The following NPAS3 variants were observed in gnomAD, a reference collection of about 807,000 sequenced individuals.
NPAS3 encodes the protein neuronal PAS domain-containing protein 3.
A neutral mutation model predicts 73.1 loss-of-function variants in NPAS3; 14 were observed. The observed-to-expected ratio is 0.19, with a 90% CI of 0.13 to 0.30. The LOEUF (loss-of-function observed/expected upper bound fraction) is 0.30. Among genes scored for constraint, NPAS3 ranks in the 10% least tolerant of loss-of-function variants. NPAS3 has a pLI of 1.00. For synonymous variants in NPAS3, 620 were observed against 541.5 expected, an observed-to-expected ratio of 1.14 and a Z score of -2.01; for missense variants, 1,096 against 1,250.0, an observed-to-expected ratio of 0.88 and a Z score of 1.86.
chr14:33,667,205 G>A (rs2059477163), intron 5 of NPAS3, among the ~76,000 whole-genome samples: 1 of 152,116 alleles, frequency 6.6e-6, no homozygotes, highest in African/African-American at 2.4e-5. Flanking sequence ...AATCAGAGCG[G>A]CCACATTCCA....
intron 3 of NPAS3, among the ~76,000 whole-genome samples, chr14:33,239,079 A>AT (rs1283873453): frequency 6.6e-6 from 1 of 151,876 alleles, no homozygotes; most frequent in Non-Finnish European, 1.5e-5. Flanking sequence ...TGTTTATGTC[A>AT]TTTTTTCAAT....
At chr14:33,592,640 T>C (rs1336140364) in intron 5 of NPAS3, among the ~76,000 whole-genome samples, 1 of 152,166 alleles carries the variant, frequency 6.6e-6, no homozygotes, top group African/African-American at 2.4e-5. Flanking sequence ...GACAGTAAAT[T>C]AATGAAATAC....
intron 4 of NPAS3, among the ~76,000 whole-genome samples, chr14:33,511,132 G>C (rs11156795): frequency 0.55 from 84,220 of 151,924 alleles, 23,495 homozygotes; most frequent in South Asian, 0.67. Flanking sequence ...GCGTTCAGGT[G>C]CCTTGTGTTG....
chr14:33,252,666 G>A (rs1342420028), intron 3 of NPAS3, among the ~76,000 whole-genome samples: 2 of 151,400 alleles, frequency 1.3e-5, no homozygotes, highest in East Asian at 1.9e-4. Flanking sequence ...CAGATTCAGG[G>A]GGTATATGTG....
At chr14:32,946,544 CA>C (rs1220384490) in intron 1 of NPAS3, among the ~76,000 whole-genome samples, 5 of 152,108 alleles carry the variant, frequency 3.3e-5, no homozygotes, top group Admixed American at 1.3e-4. Flanking sequence ...AGAATATATG[CA>C]AGATCTCAGT....
At chr14:33,658,333 A>G (rs60717744) in intron 5 of NPAS3, among the ~76,000 whole-genome samples, 3 of 152,230 alleles carry the variant, frequency 2.0e-5, no homozygotes, top group African/African-American at 7.2e-5. Context: ...CCAGGCTAAC[A>G]TTTAAGCCAG....
chr14:33,562,767 A>G (rs936612011), intron 5 of NPAS3, among the ~76,000 whole-genome samples: 2 of 152,148 alleles, frequency 1.3e-5, no homozygotes, highest in Non-Finnish European at 2.9e-5. Flanking sequence ...TTGAGTCCTA[A>G]TAGAGAAATA....
intron 2 of NPAS3, among the ~76,000 whole-genome samples, chr14:33,168,993 G>A (rs1374139534): frequency 6.6e-6 from 1 of 152,216 alleles, no homozygotes; most frequent in African/African-American, 2.4e-5. Context: ...TTTCAGAAAA[G>A]TGAAGTATAA....
intron 4 of NPAS3, among the ~76,000 whole-genome samples, chr14:33,496,824 A>T (rs2052220160): frequency 4.6e-5 from 7 of 152,178 alleles, no homozygotes; most frequent in Admixed American, 4.6e-4. Flanking sequence ...ACTCCTATTC[A>T]ACATAGTATT....
intron 2 of NPAS3, among the ~76,000 whole-genome samples, chr14:33,076,240 G>A (rs1200475040): frequency 3.9e-5 from 6 of 152,174 alleles, no homozygotes; most frequent in African/African-American, 9.7e-5. Context: ...ATTGCTTAGC[G>A]TGTTGCATGG....
chr14:33,742,092 A>ACTATTATG lies in NPAS3; in HGVS notation c.852+6761_852+6768dup, dbSNP rs1446149117. Among the ~76,000 whole-genome samples, 6 of 152,196 alleles carry ACTATTATG rather than the reference A, an allele frequency of 3.9e-5. No homozygotes were observed. In the East Asian group the frequency reaches 9.6e-4, roughly 24 times the overall value. ...TAATAGATTTATTTATATAATTATC[A>ACTATTATG]CTATTATGAGACTTTGGCCTATTAC... On this transcript the variant is annotated intron_variant, in intron 7 of 11. Coordinates refer to ENST00000356141, the Ensembl canonical transcript of NPAS3.
chr14:33,066,571 T>G (rs988464350), intron 2 of NPAS3, among the ~76,000 whole-genome samples: 17 of 152,208 alleles, frequency 1.1e-4, no homozygotes, highest in Non-Finnish European at 7.3e-5. Flanking sequence ...GTGGCAAGTT[T>G]GGTTCACTTG....
intron 3 of NPAS3, among the ~76,000 whole-genome samples, chr14:33,281,542 G>C (rs2041608973): frequency 6.6e-6 from 1 of 152,126 alleles, no homozygotes; most frequent in Non-Finnish European, 1.5e-5. Flanking sequence ...TGAGGCAGGA[G>C]AATCACTTGA....
intron 4 of NPAS3, among the ~76,000 whole-genome samples, chr14:33,428,031 C>T (rs1388949015): frequency 6.6e-6 from 1 of 151,984 alleles, no homozygotes; most frequent in Non-Finnish European, 1.5e-5. Context: ...AGACAAATTT[C>T]GTTGAATATA....
At chr14:33,180,352 C>G (rs2045745736) in intron 2 of NPAS3, among the ~76,000 whole-genome samples, 1 of 144,182 alleles carries the variant, frequency 6.9e-6, no homozygotes, top group Non-Finnish European at 1.5e-5. Context: ...GTGGCACTAT[C>G]ACTGCACCAT....
At chr14:33,161,702 C>T (rs746197123) in intron 2 of NPAS3, among the ~76,000 whole-genome samples, 18 of 152,100 alleles carry the variant, frequency 1.2e-4, no homozygotes, top group Non-Finnish European at 2.2e-4. Context: ...TGTAGCCAAG[C>T]GGTACAGGGG....
chr14:33,564,711 T>C (rs553374350), intron 5 of NPAS3, among the ~76,000 whole-genome samples: 10 of 152,296 alleles, frequency 6.6e-5, no homozygotes, highest in East Asian at 3.9e-4. Context: ...GAGAATACAA[T>C]TGGACTCACA....
intron 2 of NPAS3, among the ~76,000 whole-genome samples, chr14:33,158,319 G>T (rs2044722522): frequency 1.3e-5 from 2 of 152,268 alleles, no homozygotes; most frequent in Admixed American, 6.5e-5. Flanking sequence ...GTTTTAACAG[G>T]CCCCCCACAT....
At chr14:33,589,622 C>G (rs894244942) in intron 5 of NPAS3, among the ~76,000 whole-genome samples, 5 of 152,114 alleles carry the variant, frequency 3.3e-5, no homozygotes, top group Non-Finnish European at 7.4e-5. Flanking sequence ...CACATCTCAT[C>G]GCTCCTTCCA....
Sources: gnomAD v4.1 joint callset for allele counts (sites outside exome capture counted in the v4.1 genomes callset) on GRCh38, gnomAD v4.1.1 for gene constraint, MANE v1.5 for transcripts, NCBI Gene and HGNC (gene_info 2026-07-23, HGNC 2026-07-21) for gene names.